RSAD2: variants seen among roughly 807,000 people sequenced by gnomAD.
RSAD2 encodes the protein radical S-adenosyl methionine domain containing 2.
Under a neutral mutation model 37.7 loss-of-function variants are expected in RSAD2, and 38 were observed. That is an observed-to-expected ratio of 1.01 (90% confidence interval 0.78 to 1.32). The LOEUF (loss-of-function observed/expected upper bound fraction) is 1.32, where lower values mean the gene tolerates loss of function less well. RSAD2 is among the 40% of genes most tolerant of loss of function. RSAD2 has a pLI of 0.00. For synonymous variants in RSAD2, 163 were observed against 157.4 expected (o/e 1.04, Z -0.27); for missense variants, 428 against 437.5 (o/e 0.98, Z 0.19).
At chr2:6,890,105 G>A in intron 3 of RSAD2, 71 bp from the exon 4 acceptor site, 1 of 1,455,850 alleles carries the variant, frequency 6.9e-7, no homozygotes, top group East Asian at 2.3e-5. Context: ...AGCTTGAAAA[G>A]GGGGAGTGAG....
Position 6,891,524 on chromosome 2 carries a change from T to C in RSAD2, c.888+1199T>C, listed in dbSNP as rs970759378. 2.0e-4 allele frequency among the ~76,000 whole-genome samples: 30 copies of C among 152,164 alleles called. No homozygotes were observed. The Middle Eastern group carries it at 0.01, about 52-fold the overall frequency. ...GGCTCACGCCTGTAATCCCAGCACT[T>C]TGGGGGGCTGAGATGGGCGGATCAC... On this transcript the variant is annotated intron_variant, in intron 4 of 5. Coordinates refer to ENST00000382040, the MANE Select transcript of RSAD2 (RefSeq NM_080657.5).
In RSAD2 at chr2:6,895,354, T is replaced by C. The variant is rs191244614; in HGVS notation, c.922-424T>C. 1.2e-4 allele frequency among the ~76,000 whole-genome samples: 18 copies of C among 152,352 alleles called. No individual in the cohort carries two copies. In the East Asian group the frequency reaches 3.3e-3, roughly 28 times the overall value. ...CACGGATGCATGCACATCATTACTA[T>C]TCCAGAAACACCGTCTACCTCCATT... is the stretch of plus-strand genomic sequence containing the variant. On this transcript the variant is annotated intron_variant, in intron 5 of 5. Coordinates refer to ENST00000382040, the MANE Select transcript of RSAD2 (RefSeq NM_080657.5).
intron 5 of RSAD2, 109 bp from the exon 6 acceptor site, chr2:6,895,669 C>A: frequency 1.0e-6 from 1 of 991,886 alleles, no homozygotes; most frequent in Non-Finnish European, 1.5e-6. Context: ...CAAAAGATAC[C>A]TGTCGACATG....
chr2:6,877,757 G>A, upstream of RSAD2: 1 of 1,474,776 alleles, frequency 6.8e-7, no homozygotes, highest in Admixed American at 2.0e-5. Flanking sequence ...TATAAAGAGA[G>A]TCCCTGGCAT....
chr2:6,883,601 T>A, intron 2 of RSAD2, 69 bp downstream of exon 2: 1 of 1,568,172 alleles, frequency 6.4e-7, no homozygotes, highest in Non-Finnish European at 8.7e-7. Flanking sequence ...TATATTTCCT[T>A]CCCTCCTGGG....
At chr2:6,868,569 G>A (rs1341244376) in intron 1 of RSAD2, among the ~76,000 whole-genome samples, 2 of 152,134 alleles carry the variant, frequency 1.3e-5, no homozygotes, top group African/African-American at 4.8e-5. Flanking sequence ...TTAATGAAAG[G>A]GCTAAAAAGC....
At chr2:6,895,347 A>G (rs1663752338) in intron 5 of RSAD2, among the ~76,000 whole-genome samples, 1 of 152,192 alleles carries the variant, frequency 6.6e-6, no homozygotes, top group East Asian at 1.9e-4. Context: ...CATGCACATC[A>G]TTACTATTCC....
At chr2:6,870,703 C>T (rs1377110619) in intron 1 of RSAD2, among the ~76,000 whole-genome samples, 13 of 152,166 alleles carry the variant, frequency 8.5e-5, no homozygotes, top group Admixed American at 2.6e-4. Context: ...TCCATCCAGA[C>T]GCTGGAGAGG....
intron 1 of RSAD2, chr2:6,866,519 C>A: frequency 1.0e-6 from 1 of 981,110 alleles, no homozygotes. Flanking sequence ...ACCTCGAAAT[C>A]GCCTTTCTTC....
intron 1 of RSAD2, among the ~76,000 whole-genome samples, chr2:6,881,890 G>A (rs1663412445): frequency 6.6e-6 from 1 of 151,898 alleles, no homozygotes; most frequent in East Asian, 1.9e-4. Flanking sequence ...TAAAATGCAG[G>A]CAGGTGGTTG....
chr2:6,894,364 A>G (rs759164643), intron 5 of RSAD2, among the ~76,000 whole-genome samples: 1 of 152,216 alleles, frequency 6.6e-6, no homozygotes, highest in African/African-American at 2.4e-5. Context: ...ATTTGAAGAC[A>G]TATTTTAAAG....
chr2:6,866,878 G>GA (rs577383418), intron 1 of RSAD2, among the ~76,000 whole-genome samples: 26 of 148,654 alleles, frequency 1.7e-4, no homozygotes, highest in Admixed American at 8.0e-4. Context: ...ATTTAATTCT[G>GA]AAAAAAAAAG....
intron 1 of RSAD2, among the ~76,000 whole-genome samples, chr2:6,879,366 G>A (rs1314860888): frequency 6.6e-6 from 1 of 152,036 alleles, no homozygotes; most frequent in African/African-American, 2.4e-5. Flanking sequence ...GAGCATCGTT[G>A]TCAAGGCCCC....
At chr2:6,868,761 C>T (rs984356414) in intron 1 of RSAD2, among the ~76,000 whole-genome samples, 1 of 152,158 alleles carries the variant, frequency 6.6e-6, no homozygotes, top group Non-Finnish European at 1.5e-5. Context: ...GATACAGCTA[C>T]CTTTGAGGGA....
intron 1 of RSAD2, among the ~76,000 whole-genome samples, chr2:6,882,617 T>C (rs963168900): frequency 5.9e-5 from 9 of 152,152 alleles, no homozygotes; most frequent in Admixed American, 5.9e-4. Context: ...AGATTTTTCT[T>C]TATAACATAA....
At chr2:6,880,892 A>G (rs1663384023) in intron 1 of RSAD2, among the ~76,000 whole-genome samples, 1 of 151,964 alleles carries the variant, frequency 6.6e-6, no homozygotes, top group Non-Finnish European at 1.5e-5. Context: ...TATATTATTT[A>G]CTTTCCTGGC....
At chr2:6,886,611 A>G (rs985445923) in intron 2 of RSAD2, among the ~76,000 whole-genome samples, 3 of 152,244 alleles carry the variant, frequency 2.0e-5, no homozygotes, top group Non-Finnish European at 2.9e-5. Flanking sequence ...AAATATATCT[A>G]CCTGCCTCAG....
chr2:6,867,173 A>G (rs1325319202), intron 1 of RSAD2, among the ~76,000 whole-genome samples: 2 of 152,148 alleles, frequency 1.3e-5, no homozygotes, highest in Non-Finnish European at 2.9e-5. Flanking sequence ...CTCTGGATGT[A>G]TTAGTCTATC....
chr2:6,887,157 G>C lies in RSAD2; in HGVS notation c.731G>C (p.Arg244Pro). The C allele has an allele frequency of 6.2e-7, 1 of 1,611,214 alleles. No homozygotes were observed. The highest frequency in any genetic ancestry group is 1.3e-5 in the African/African-American group (1 of 74,976). ...CAGATCAAAGCACTAAACCCTGTCC[G>C]CTGGAAAGTAAGTACACAAGGTCGC... ...TEQIKALNPVRWKVFQCLLIE... is the reference protein window; with the variant it reads ...TEQIKALNPVPWKVFQCLLIE... Residue 244 changes from arginine to proline, a missense_variant, in exon 3 of 6, where the codon CGC (arginine) becomes CCC (proline). By Grantham distance (103) the Arg-to-Pro change is moderately radical. Coordinates refer to ENST00000382040, the MANE Select transcript of RSAD2 (RefSeq NM_080657.5).
Sources: allele counts gnomAD v4.1 joint callset (sites outside exome capture counted in the v4.1 genomes callset), GRCh38; gene constraint gnomAD v4.1.1; transcripts MANE v1.5; gene names NCBI Gene and HGNC (gene_info 2026-07-23, HGNC 2026-07-21).